GPR158: variants seen among roughly 807,000 people sequenced by gnomAD.
GPR158 encodes G protein-coupled receptor 158, also known as metabotropic glycine receptor.
Under a neutral mutation model 78.2 loss-of-function variants are expected in GPR158, and 30 were observed. The ratio of observed to expected loss-of-function variants is 0.38; its 90% CI spans 0.29 to 0.52. The LOEUF (loss-of-function observed/expected upper bound fraction) is 0.52, where lower values mean the gene tolerates loss of function less well. Ranked by LOEUF, GPR158 falls within the 20% of genes least tolerant of loss-of-function variation. GPR158 has a pLI of 0.83. For missense variants in GPR158, 1,463 were observed against 1,523.5 expected, an observed-to-expected ratio of 0.96 and a Z score of 0.66; for synonymous variants, 581 against 591.1, an observed-to-expected ratio of 0.98 and a Z score of 0.25.
At chr10:25,319,038 GA>G (rs1854905312) in intron 2 of GPR158, among the ~76,000 whole-genome samples, 1 of 152,148 alleles carries the variant, frequency 6.6e-6, no homozygotes, top group Non-Finnish European at 1.5e-5. Flanking sequence ...GTATAATGTG[GA>G]AGACTTTTCT....
chr10:25,455,528 G>A (rs372539778), intron 4 of GPR158, among the ~76,000 whole-genome samples: 39 of 152,134 alleles, frequency 2.6e-4, no homozygotes, highest in African/African-American at 9.4e-4. Context: ...TGATCCTAAT[G>A]TGTAAAATAA....
At chr10:25,597,662 G>T in intron 10 of GPR158, 110 bp from the exon 11 acceptor site, 1 of 724,302 alleles carries the variant, frequency 1.4e-6, no homozygotes, top group Non-Finnish European at 2.1e-6. Flanking sequence ...CTGTAGAGCA[G>T]TTGCCCCAAA....
chr10:25,473,891 A>G (rs1835545351), intron 5 of GPR158, among the ~76,000 whole-genome samples: 2 of 152,214 alleles, frequency 1.3e-5, no homozygotes, highest in East Asian at 1.9e-4. Flanking sequence ...GTCTCCAACA[A>G]TGTCCACAAT....
At chr10:25,417,245 T>C (rs937631583) in intron 4 of GPR158, among the ~76,000 whole-genome samples, 1 of 152,208 alleles carries the variant, frequency 6.6e-6, no homozygotes, top group African/African-American at 2.4e-5. Flanking sequence ...AAATGTGTGC[T>C]GATGTTTGAA....
At chr10:25,477,710 T>C (rs906511681) in intron 5 of GPR158, among the ~76,000 whole-genome samples, 3 of 152,178 alleles carry the variant, frequency 2.0e-5, no homozygotes, top group African/African-American at 4.8e-5. Flanking sequence ...TAAATACTTA[T>C]GAACATAACA....
At chr10:25,528,491 C>T (rs1008674956) in intron 5 of GPR158, among the ~76,000 whole-genome samples, 1 of 152,020 alleles carries the variant, frequency 6.6e-6, no homozygotes, top group African/African-American at 2.4e-5. Context: ...TTCCTATATA[C>T]AGTAGCAAAC....
rs187651088 is a variant in GPR158, at chr10:25,212,821, G to A, written c.903-8231G>A. 2.6e-3 allele frequency among the ~76,000 whole-genome samples: 394 copies of A among 151,894 alleles called. 2 individuals carry two copies. Among genetic ancestry groups the A allele is most frequent in the Middle Eastern group, 6.8e-3 (2 of 294 alleles). ...TAATTTTTGTATTTTTATTAAAGAC[G>A]GGGTTTCACCATATTAGCCAGGCTG... On this transcript the variant is annotated intron_variant, in intron 1 of 10. Coordinates refer to ENST00000376351, the MANE Select transcript of GPR158 (RefSeq NM_020752.3).
At chr10:25,402,691 T>C (rs567710317) in intron 3 of GPR158, among the ~76,000 whole-genome samples, 1 of 152,130 alleles carries the variant, frequency 6.6e-6, no homozygotes, top group Admixed American at 6.6e-5. Context: ...GTAAAGAATA[T>C]ATTGGATTTA....
chr10:25,239,585 G>T (rs866934376), intron 2 of GPR158, among the ~76,000 whole-genome samples: 6 of 145,872 alleles, frequency 4.1e-5, no homozygotes, highest in African/African-American at 1.3e-4. Context: ...TTCAGCTTGG[G>T]TGACAGAGCG....
intron 2 of GPR158, among the ~76,000 whole-genome samples, chr10:25,300,238 T>G (rs181174438): frequency 1.3e-5 from 2 of 152,344 alleles, no homozygotes; most frequent in African/African-American, 4.8e-5. Flanking sequence ...ATGTTTCCCC[T>G]GTCTTTCCCA....
chr10:25,307,037 A>G (rs1006630782), intron 2 of GPR158, among the ~76,000 whole-genome samples: 1 of 151,656 alleles, frequency 6.6e-6, no homozygotes, highest in Non-Finnish European at 1.5e-5. Flanking sequence ...AGAGAGAGAG[A>G]GAGGGAAAGA....
At chr10:25,544,464 A>G (rs1836632857) in intron 5 of GPR158, among the ~76,000 whole-genome samples, 1 of 152,136 alleles carries the variant, frequency 6.6e-6, no homozygotes, top group South Asian at 2.1e-4. Context: ...TATATTTTGG[A>G]CCCTAAATAT....
rs181262514 is a variant in GPR158 at position 25,443,891 on chromosome 10, A to G, written c.1336-22760A>G. Among the ~76,000 whole-genome samples, 106 of 152,110 alleles carry G rather than the reference A, an allele frequency of 7.0e-4. 1 individual carries two copies. The highest frequency in any genetic ancestry group is 2.5e-3 in the South Asian group (12 of 4,810). On this transcript the variant is annotated intron_variant, in intron 4 of 10. Transcript: ENST00000376351. ...CATCGCTCTCAATGAAGCCCCTTCT[A>G]TGCTGTCAGTCATGGCCACATTTAT...
chr10:25,444,518 G>T (rs2130593197), intron 4 of GPR158, among the ~76,000 whole-genome samples: 1 of 150,918 alleles, frequency 6.6e-6, no homozygotes, highest in Non-Finnish European at 1.5e-5. Flanking sequence ...TATGCGTGTG[G>T]GTATGTGTGT....
At position 25,410,100 on chromosome 10, in the gene GPR158, T is replaced by G. The variant is rs74412854; in HGVS notation, c.1112-2150T>G. 7.4e-3 allele frequency among the ~76,000 whole-genome samples: 1,129 copies of G among 152,286 alleles called. 6 individuals are homozygous for G. The highest frequency in any genetic ancestry group is 0.012 in the Non-Finnish European group (796 of 68,026). ...ATTTCTTTTATGACACTGTAAATAC[T>G]CCTCCCTGTATAGCATCTCCCTCTG... On this transcript the variant is annotated intron_variant, in intron 3 of 10. Transcript: ENST00000376351.
intron 5 of GPR158, among the ~76,000 whole-genome samples, chr10:25,485,208 G>C (rs574209197): frequency 3.6e-4 from 55 of 151,926 alleles, no homozygotes; most frequent in Non-Finnish European, 5.7e-4. Flanking sequence ...AGGCTTAAAA[G>C]TACACTGAAA....
rs1030056769 is a variant in GPR158 at position 25,602,049 on chromosome 10, C to T, written c.*2775C>T. 1.1e-4 allele frequency: 16 copies of T among 152,334 alleles called. No homozygotes were observed. Among genetic ancestry groups the T allele is most frequent in the African/African-American group, 3.9e-4 (16 of 41,416 alleles). The allele number at this position is 152,334 out of a possible 1,614,324, so 9.4% of individuals were successfully genotyped here. A position where few individuals can be genotyped will look rare whatever the true frequency, so the allele number is the denominator to read the frequency against. ...CTGCCTTTTGACTTCTAGCATTTAGCAACCGAGAGTCGTAGAGTCAATAAA... is the reference window on the plus strand; with the variant it reads ...CTGCCTTTTGACTTCTAGCATTTAGTAACCGAGAGTCGTAGAGTCAATAAA... On this transcript the variant is annotated 3_prime_UTR_variant, in exon 11 of 11. Transcript: ENST00000376351.
intron 2 of GPR158, among the ~76,000 whole-genome samples, chr10:25,238,709 G>A (rs1394106214): frequency 6.6e-6 from 1 of 152,104 alleles, no homozygotes; most frequent in African/African-American, 2.4e-5. Flanking sequence ...TCAAGAATGG[G>A]TTAGAAAATG....
At chr10:25,265,515 G>A (rs778104755) in intron 2 of GPR158, among the ~76,000 whole-genome samples, 16 of 152,068 alleles carry the variant, frequency 1.1e-4, no homozygotes, top group Non-Finnish European at 1.9e-4. Flanking sequence ...TAATAATGCA[G>A]CCTATGCCAA....
Sources: gnomAD v4.1 joint callset for allele counts (sites outside exome capture counted in the v4.1 genomes callset) on GRCh38, gnomAD v4.1.1 for gene constraint, MANE v1.5 for transcripts, NCBI Gene and HGNC (gene_info 2026-07-23, HGNC 2026-07-21) for gene names.